TACC2: variants seen among roughly 807,000 people sequenced by gnomAD.
TACC2 encodes transforming acidic coiled-coil-containing protein 2.
In TACC2, 137 loss-of-function variants were observed where a neutral mutation model predicts 227.3. That is an observed-to-expected ratio of 0.60 (90% CI 0.52 to 0.69). The LOEUF is 0.69. Among genes scored for constraint, TACC2 ranks in the 30% least tolerant of loss-of-function variants. The probability of loss-of-function intolerance (pLI) is 0.00; values close to 1 mark genes in which losing one functional copy is unlikely to be tolerated. For missense variants in TACC2, 3,470 were observed against 3,694.4 expected (o/e 0.94, Z 1.57); for synonymous variants, 1,523 against 1,487.5 (o/e 1.02, Z -0.55).
chr10:122,225,815 A>G (rs1045560094), intron 12 of TACC2, among the ~76,000 whole-genome samples: 1 of 152,162 alleles, frequency 6.6e-6, no homozygotes, highest in Non-Finnish European at 1.5e-5. Flanking sequence ...AGTGCAGAGC[A>G]GCATACCTGC....
intron 3 of TACC2, among the ~76,000 whole-genome samples, chr10:122,073,660 T>C (rs1468307764): frequency 1.3e-5 from 2 of 152,210 alleles, no homozygotes; most frequent in African/African-American, 4.8e-5. Flanking sequence ...TATCTTCTTG[T>C]TGACTCACGA....
Position 122,082,851 on chromosome 10 carries a change from C to G in TACC2, c.351C>G (p.Pro117=). Residue 117 remains proline (P), a synonymous_variant, in exon 4 of 23, where the codon CCC becomes CCG. Coordinates refer to ENST00000369005, the MANE Select transcript of TACC2 (RefSeq NM_206862.4). ...PSSSMPFAEC[P]PEGCLASPAA... ...CCTCCATGCCCTTTGCCGAGTGTCC[C>G]CCGGAAGGTTGCTTGGCAAGTCCAG... is the stretch of plus-strand genomic sequence containing the variant. The G allele has an allele frequency of 6.2e-7, 1 of 1,613,580 alleles. No individual in the cohort carries two copies. The highest frequency in any genetic ancestry group is 8.5e-7 in the Non-Finnish European group (1 of 1,180,036).
At chr10:122,152,843 T>C (rs1245928606) in intron 7 of TACC2, among the ~76,000 whole-genome samples, 1 of 152,132 alleles carries the variant, frequency 6.6e-6, no homozygotes, top group East Asian at 1.9e-4. Context: ...GAGAGCAACA[T>C]AATAGGCTCT....
chr10:122,196,274 A>G (rs2094565366), intron 8 of TACC2, among the ~76,000 whole-genome samples: 1 of 152,222 alleles, frequency 6.6e-6, no homozygotes, highest in African/African-American at 2.4e-5. Flanking sequence ...GAAAGGATGT[A>G]CACTCCCGGA....
chr10:122,176,073 TTCTCTCTCTC>T lies in TACC2; in HGVS notation c.5835-18931_5835-18922del, dbSNP rs55655832. Among the ~76,000 whole-genome samples, 372 of 92,708 alleles carry T rather than the reference TTCTCTCTCTC, an allele frequency of 4.0e-3. 3 individuals carry two copies. The highest frequency in any genetic ancestry group is 0.017 in the East Asian group (54 of 3,192). The allele number at this position is 92,708 out of a possible 152,430, so 60.8% of individuals were successfully genotyped here. ...CTAACCTGAACAACAGAGCAAAACC[TTCTCTCTCTC>T]TCTCTCTCTCTCTCTCTCTCTCTCT... On this transcript the variant is annotated intron_variant, in intron 7 of 22. Coordinates refer to ENST00000369005, the MANE Select transcript of TACC2 (RefSeq NM_206862.4).
chr10:122,135,615 C>T (rs1361305080), intron 6 of TACC2, among the ~76,000 whole-genome samples: 1 of 152,206 alleles, frequency 6.6e-6, no homozygotes, highest in Non-Finnish European at 1.5e-5. Flanking sequence ...AAGGATTGGT[C>T]TGACTTTGGT....
intron 18 of TACC2, among the ~76,000 whole-genome samples, chr10:122,241,453 G>A (rs1009520993): frequency 6.6e-6 from 1 of 152,004 alleles, no homozygotes; most frequent in Non-Finnish European, 1.5e-5. Context: ...CACCACACCT[G>A]GTTAATTTTG....
At position 122,237,417 on chromosome 10, in the gene TACC2, A is replaced by G. The variant is rs750641625; in HGVS notation, c.8150A>G (p.Asp2717Gly). The G allele has an allele frequency of 3.7e-6, 6 of 1,613,430 alleles. No homozygotes were observed. The South Asian group carries it at 6.6e-5, about 18-fold the overall frequency. ...CAGAGAGAGGCTGCTCACCCAACAG[A>G]CGTCTCCATCTCCAAAACAGCCTTG... ...DAKREAAHPT[D>G]VSISKTALYS... Residue 2717 changes from aspartate (D) to glycine (G), a missense_variant, in exon 17 of 23, where the codon GAC becomes GGC. Physicochemically the swap from Asp to Gly is moderately conservative, Grantham distance 94. Around this residue, in one of 10 missense-constraint regions of TACC2, gnomAD observed 345 missense variants for 354.4 expected, o/e 0.97. Transcript: ENST00000369005.
intron 12 of TACC2, 30 bp downstream of exon 12, chr10:122,224,817 G>A (rs773242101): frequency 1.9e-6 from 3 of 1,597,992 alleles, no homozygotes; most frequent in South Asian, 2.2e-5. Flanking sequence ...GCCACTTAGG[G>A]GACTCGCTTT....
Position 122,083,980 on chromosome 10 carries a change from C to A in TACC2, c.1480C>A (p.Pro494Thr). 1 of 1,613,964 alleles carries A rather than the reference C, an allele frequency of 6.2e-7. No homozygotes were observed. Among genetic ancestry groups the A allele is most frequent in the South Asian group, 1.1e-5 (1 of 91,076 alleles). ...CCCTGGAGAGGTTCCTGCCCCATCA[C>A]CCCAGGAGAGGGGAGAGCACTTGAA... is the stretch of plus-strand genomic sequence containing the variant. ...GDPGEVPAPS[P>T]QERGEHLNTE... is the part of the protein sequence containing the mutation. Residue 494 changes from proline (P) to threonine (T), a missense_variant, in exon 4 of 23, where the codon CCC becomes ACC. Around this residue, in one of 10 missense-constraint regions of TACC2, gnomAD observed 1,924 missense variants for 1,978.3 expected, o/e 0.97. Coordinates refer to ENST00000369005, the MANE Select transcript of TACC2 (RefSeq NM_206862.4).
At chr10:122,130,348 T>C (rs1565384545) in intron 5 of TACC2, among the ~76,000 whole-genome samples, 1 of 152,140 alleles carries the variant, frequency 6.6e-6, no homozygotes, top group Non-Finnish European at 1.5e-5. Flanking sequence ...TTGCAGGTCC[T>C]CTAGAATACC....
At chr10:122,046,317 A>T (rs1591426582) in intron 2 of TACC2, among the ~76,000 whole-genome samples, 1 of 151,392 alleles carries the variant, frequency 6.6e-6, no homozygotes, top group Non-Finnish European at 1.5e-5. Context: ...TACTAAAAAT[A>T]CAAAAAATTA....
At chr10:122,035,797 C>T (rs1960112748) in intron 2 of TACC2, among the ~76,000 whole-genome samples, 2 of 151,984 alleles carry the variant, frequency 1.3e-5, no homozygotes, top group Admixed American at 1.3e-4. Flanking sequence ...CTTTCCTTCT[C>T]TCCTTCCTTT....
At chr10:122,156,398 G>C (rs1477000160) in intron 7 of TACC2, among the ~76,000 whole-genome samples, 2 of 150,462 alleles carry the variant, frequency 1.3e-5, no homozygotes, top group East Asian at 4.0e-4. Flanking sequence ...TAATTTTTTT[G>C]TATTTTTAGT....
chr10:122,233,294 GA>G (rs1330542963), intron 16 of TACC2, among the ~76,000 whole-genome samples: 32 of 152,356 alleles, frequency 2.1e-4, no homozygotes, highest in African/African-American at 7.2e-4. Context: ...AGCCACGTCA[GA>G]TAGAACCTGA....
intron 5 of TACC2, among the ~76,000 whole-genome samples, chr10:122,098,908 C>T (rs961740484): frequency 2.6e-5 from 4 of 152,134 alleles, no homozygotes; most frequent in Non-Finnish European, 4.4e-5. Context: ...GTATAGGATG[C>T]GAAGTGGAGC....
At chr10:122,097,514 T>G (rs2420993) in intron 5 of TACC2, among the ~76,000 whole-genome samples, 114,694 of 151,284 alleles carry the variant, frequency 0.76, 43,584 homozygotes, top group Middle Eastern at 0.84. Context: ...AGGCCAGGAG[T>G]ACACTCGGTG....
intron 6 of TACC2, among the ~76,000 whole-genome samples, chr10:122,133,496 T>C (rs767557922): frequency 6.6e-6 from 1 of 152,202 alleles, no homozygotes; most frequent in Non-Finnish European, 1.5e-5. Context: ...CATGTACACG[T>C]GTATGTCTAC....
intron 6 of TACC2, among the ~76,000 whole-genome samples, chr10:122,142,541 G>A (rs776605370): frequency 3.9e-5 from 6 of 152,220 alleles, no homozygotes; most frequent in Non-Finnish European, 8.8e-5. Context: ...GGTGGACCTC[G>A]AAGAGATGGA....
Sources: gnomAD v4.1 joint callset for allele counts (sites outside exome capture counted in the v4.1 genomes callset) on GRCh38, gnomAD v4.1.1 for gene constraint, gnomAD v4.1.1 regional missense constraint, MANE v1.5 for transcripts, NCBI Gene and HGNC (gene_info 2026-07-23, HGNC 2026-07-21) for gene names.